The following BCAS3 variants were observed in gnomAD, a reference collection of about 807,000 sequenced individuals.
The protein encoded by BCAS3 is BCAS4/BCAS3 fusion.
Under a neutral mutation model 116.1 loss-of-function variants are expected in BCAS3, and 53 were observed. The ratio of observed to expected loss-of-function variants is 0.46; its 90% CI spans 0.37 to 0.57. The LOEUF is 0.57. Ranked by LOEUF, BCAS3 falls within the 20% of genes least tolerant of loss-of-function variation. The pLI is 0.00. For synonymous variants in BCAS3, 391 were observed against 408.2 expected, an observed-to-expected ratio of 0.96 and a Z score of 0.51; for missense variants, 917 against 1,165.4, an observed-to-expected ratio of 0.79 and a Z score of 3.10.
Position 61,139,376 on chromosome 17 carries a change from A to G in BCAS3, c.2425+54812A>G, listed in dbSNP as rs1396111031. Among the ~76,000 whole-genome samples the G allele has an allele frequency of 6.6e-6, 1 of 152,122 alleles. No homozygotes were observed. Among genetic ancestry groups the G allele is most frequent in the East Asian group, 1.9e-4 (1 of 5,192 alleles). On this transcript the variant is annotated intron_variant, in intron 22 of 23. Transcript: ENST00000407086. The surrounding 1 kb of genome is among the most constrained non-coding windows in gnomAD (Gnocchi z 4.7). ...AACGAGGTTCACAAATGCTGTTTTCATATTTGTGGTTTTGGTGTTTCCTCT... is the reference window on the plus strand; with the variant it reads ...AACGAGGTTCACAAATGCTGTTTTCGTATTTGTGGTTTTGGTGTTTCCTCT...
intron 6 of BCAS3, among the ~76,000 whole-genome samples, chr17:60,803,096 T>C (rs2047963340): frequency 6.6e-6 from 1 of 152,216 alleles, no homozygotes; most frequent in South Asian, 2.1e-4. Flanking sequence ...GGAAGCCCCA[T>C]GGGAAAGACG....
chr17:61,317,073 T>TA (rs1314256360), intron 22 of BCAS3, among the ~76,000 whole-genome samples: 9 of 152,228 alleles, frequency 5.9e-5, no homozygotes, highest in Admixed American at 4.6e-4. Flanking sequence ...TTTGTTTTCT[T>TA]AAAAAAGTTT....
At chr17:60,879,440 T>C (rs926214216) in intron 9 of BCAS3, among the ~76,000 whole-genome samples, 4 of 152,178 alleles carry the variant, frequency 2.6e-5, no homozygotes, top group African/African-American at 9.6e-5. Context: ...AGAGAGCTGA[T>C]AGAGGACTGT....
chr17:61,119,063 G>T (rs921932374), intron 22 of BCAS3, among the ~76,000 whole-genome samples: 15 of 152,160 alleles, frequency 9.9e-5, no homozygotes, highest in African/African-American at 3.6e-4. Flanking sequence ...TGACAGTTAA[G>T]TGATGCGGAA....
At chr17:60,687,556 A>G (rs1467956620) in intron 3 of BCAS3, among the ~76,000 whole-genome samples, 1 of 152,158 alleles carries the variant, frequency 6.6e-6, no homozygotes, top group African/African-American at 2.4e-5. Context: ...GTGAGCTGAG[A>G]TCATACCACT....
In BCAS3 at chr17:61,254,777, G is replaced by GAAAAAA. The variant is rs61471068; in HGVS notation, c.2426-113543_2426-113538dup. 5.7e-4 allele frequency among the ~76,000 whole-genome samples: 42 copies of GAAAAAA among 73,530 alleles called. 1 individual carries two copies. The highest frequency in any genetic ancestry group is 2.4e-3 in the African/African-American group (38 of 15,962). 48.2% of individuals were successfully genotyped at this position (73,530 alleles called of 152,430 possible). A position where few individuals can be genotyped will look rare whatever the true frequency, so the allele number is the denominator to read the frequency against. ...GGTGACAGAGTGAGACTCCGTCTCA[G>GAAAAAA]AAAAAAAAAAAAGGATTAGAAAATT... On this transcript the variant is annotated intron_variant, in intron 22 of 23. Transcript: ENST00000407086.
At position 61,208,557 on chromosome 17, in the gene BCAS3, G is replaced by C. The variant is rs1304608883; in HGVS notation, c.2425+123993G>C. ...TTAATTTGAGGATGTTCTGAAAAGA[G>C]AGAGGGAGAAACAAAGCACGTGGTC... On this transcript the variant is annotated intron_variant, in intron 22 of 23. Coordinates refer to ENST00000407086, the MANE Select transcript of BCAS3 (RefSeq NM_017679.5). This position sits in a 1 kb window ranked among gnomAD's most constrained non-coding sequence, Gnocchi z 4.5. 6.6e-6 allele frequency among the ~76,000 whole-genome samples: 1 copy of C among 152,144 alleles called. No individual in the cohort carries two copies. Among genetic ancestry groups the C allele is most frequent in the Non-Finnish European group, 1.5e-5 (1 of 68,028 alleles).
intron 10 of BCAS3, among the ~76,000 whole-genome samples, chr17:60,892,389 C>T (rs901213264): frequency 1.3e-5 from 2 of 151,148 alleles, no homozygotes; most frequent in East Asian, 2.0e-4. Context: ...CTCGGCTCAC[C>T]GCAACCTCTG....
chr17:60,890,174 C>T (rs1421498561), intron 10 of BCAS3, among the ~76,000 whole-genome samples: 1 of 152,222 alleles, frequency 6.6e-6, no homozygotes, highest in East Asian at 1.9e-4. Context: ...ATTGACAAGG[C>T]TAGGCGTGAT....
At chr17:61,305,233 T>C (rs575632443) in intron 22 of BCAS3, among the ~76,000 whole-genome samples, 1 of 152,324 alleles carries the variant, frequency 6.6e-6, no homozygotes, top group South Asian at 2.1e-4. Context: ...CGGTGCATAG[T>C]CAATCAGCCA....
chr17:60,998,981 A>T (rs1395178426), intron 15 of BCAS3, among the ~76,000 whole-genome samples: 4 of 152,026 alleles, frequency 2.6e-5, no homozygotes, highest in Non-Finnish European at 5.9e-5. Context: ...ATCTTGAGTT[A>T]ATTTTTGTAT....
chr17:61,245,167 GAGA>G (rs1392303758), intron 22 of BCAS3: 1 of 152,172 alleles, frequency 6.6e-6, no homozygotes, highest in Non-Finnish European at 1.5e-5. Flanking sequence ...TGGTTGCAGA[GAGA>G]AGAATGAGTG....
chr17:60,753,674 G>T (rs2042716009), intron 6 of BCAS3, among the ~76,000 whole-genome samples: 1 of 152,106 alleles, frequency 6.6e-6, no homozygotes. Flanking sequence ...CTCCCAAAGT[G>T]CTGGGATTAG....
In BCAS3 at chr17:61,056,570, A is replaced by G. The variant is rs1290827215; in HGVS notation, c.2029+15678A>G. On this transcript the variant is annotated intron_variant, in intron 19 of 23. Coordinates refer to ENST00000407086, the MANE Select transcript of BCAS3 (RefSeq NM_017679.5). The surrounding 1 kb of genome is among the most constrained non-coding windows in gnomAD (Gnocchi z 4.9). ...TTAAGATGCAGGCTTTGTATTAACA[A>G]AGCCCTATTCCCCTTAGAACTTACT... is the stretch of plus-strand genomic sequence containing the variant. 6.6e-6 allele frequency among the ~76,000 whole-genome samples: 1 copy of G among 152,090 alleles called. No homozygotes were observed. Among genetic ancestry groups the G allele is most frequent in the African/African-American group, 2.4e-5 (1 of 41,410 alleles).
At chr17:61,123,785 C>T (rs1291537909) in intron 22 of BCAS3, among the ~76,000 whole-genome samples, 1 of 152,086 alleles carries the variant, frequency 6.6e-6, no homozygotes, top group Admixed American at 6.5e-5. Flanking sequence ...GAAATAAATC[C>T]TGTGCATATT....
intron 22 of BCAS3, among the ~76,000 whole-genome samples, chr17:61,197,851 T>A (rs576071011): frequency 6.6e-6 from 1 of 152,324 alleles, no homozygotes; most frequent in East Asian, 1.9e-4. Context: ...GGCCCTATAG[T>A]ATCAAAACAA....
chr17:61,271,268 C>T (rs1320627770), intron 22 of BCAS3, among the ~76,000 whole-genome samples: 1 of 149,886 alleles, frequency 6.7e-6, no homozygotes, highest in Non-Finnish European at 1.5e-5. Context: ...GCTGGGATTA[C>T]AGGCGCATGC....
chr17:60,716,549 C>T (rs1168628980), intron 5 of BCAS3, among the ~76,000 whole-genome samples: 6 of 151,846 alleles, frequency 4.0e-5, no homozygotes, highest in Non-Finnish European at 5.9e-5. Flanking sequence ...GGTGGTGTAT[C>T]GCTTGAGGCC....
chr17:61,160,315 T>C (rs55931000), intron 22 of BCAS3, among the ~76,000 whole-genome samples: 75 of 152,214 alleles, frequency 4.9e-4, no homozygotes, highest in African/African-American at 1.8e-3. Flanking sequence ...GATAACCTTG[T>C]AAAAGTCCCT....
Sources: gnomAD v4.1 joint callset for allele counts (sites outside exome capture counted in the v4.1 genomes callset) on GRCh38, gnomAD v4.1.1 for gene constraint, Gnocchi (gnomAD v3.1) non-coding constraint, MANE v1.5 for transcripts, NCBI Gene and HGNC (gene_info 2026-07-23, HGNC 2026-07-21) for gene names.